Variants in ATE1 observed in about 807,000 individuals in gnomAD.
ATE1 encodes the protein arginyltransferase 1, also known as arginyl-tRNA--protein transferase 1.
ATE1 carries 36 observed loss-of-function variants against 70.5 expected under a neutral mutation model. The ratio of observed to expected loss-of-function variants is 0.51; its 90% CI spans 0.39 to 0.67. The LOEUF (loss-of-function observed/expected upper bound fraction) is 0.67, where lower values mean the gene tolerates loss of function less well. ATE1 is among the 30% of genes least tolerant of loss of function. ATE1 has a pLI of 0.00. For missense variants in ATE1, 593 were observed against 629.5 expected (o/e 0.94, Z 0.62); for synonymous variants, 232 against 219.3 (o/e 1.06, Z -0.51).
At chr10:121,918,332 CAAAAA>C (rs1256639168) in intron 3 of ATE1, among the ~76,000 whole-genome samples, 1 of 79,820 alleles carries the variant, frequency 1.3e-5, no homozygotes, top group Non-Finnish European at 2.6e-5. Context: ...GATTCTGTCT[CAAAAA>C]AAAAAAAAAA....
At chr10:121,790,962 ATG>A (rs10670497) in intron 10 of ATE1, among the ~76,000 whole-genome samples, 1 of 150,968 alleles carries the variant, frequency 6.6e-6, no homozygotes, top group East Asian at 2.0e-4. Context: ...GTATATATAT[ATG>A]TGTGTGTACA....
chr10:121,874,724 G>C (rs187354507), intron 7 of ATE1, among the ~76,000 whole-genome samples: 304 of 152,290 alleles, frequency 2.0e-3, no homozygotes, highest in Non-Finnish European at 3.8e-3. Flanking sequence ...ATGACAACAA[G>C]GCCGGGTGCA....
chr10:121,907,962 C>T lies in ATE1; in HGVS notation c.583+2944G>A, dbSNP rs139618631. Among the ~76,000 whole-genome samples, 197 of 151,842 alleles carry T rather than the reference C, an allele frequency of 1.3e-3. 1 individual carries two copies. Among genetic ancestry groups the T allele is most frequent in the Middle Eastern group, 3.4e-3 (1 of 294 alleles). ...CCCACTAAAAGGAACCACAACTGCT[C>T]GAAGAAATGCCTGTACAAGATGCTC... is the stretch of plus-strand genomic sequence containing the variant. On this transcript the variant is annotated intron_variant, in intron 5 of 11. Coordinates refer to ENST00000224652, the MANE Select transcript of ATE1 (RefSeq NM_001001976.3).
chr10:121,779,637 AAGAAAG>A (rs1354277503), intron 11 of ATE1, among the ~76,000 whole-genome samples: 95 of 152,046 alleles, frequency 6.2e-4, no homozygotes, highest in East Asian at 4.8e-3. Context: ...TAGAAGAAAG[AAGAAAG>A]ATCTTTACTC....
At chr10:121,778,071 T>C (rs1419778274) in intron 11 of ATE1, among the ~76,000 whole-genome samples, 1 of 152,232 alleles carries the variant, frequency 6.6e-6, no homozygotes, top group Non-Finnish European at 1.5e-5. Context: ...TGAATGCTAA[T>C]TTCTAAAATT....
At chr10:121,907,817 A>AT (rs1206985040) in intron 5 of ATE1, among the ~76,000 whole-genome samples, 7 of 152,160 alleles carry the variant, frequency 4.6e-5, no homozygotes, top group Non-Finnish European at 1.5e-5. Context: ...TGAATTGGAA[A>AT]TATCAGTATG....
chr10:121,785,734 T>C (rs1781913375), intron 11 of ATE1, among the ~76,000 whole-genome samples: 1 of 152,166 alleles, frequency 6.6e-6, no homozygotes, highest in Non-Finnish European at 1.5e-5. Flanking sequence ...AGAATTAAGG[T>C]GTGTTAGAAA....
chr10:121,854,461 G>A (rs1949170793), intron 8 of ATE1, among the ~76,000 whole-genome samples: 1 of 152,126 alleles, frequency 6.6e-6, no homozygotes, highest in African/African-American at 2.4e-5. Context: ...AGCTCAAGTA[G>A]ACTAGATGGA....
intron 8 of ATE1, among the ~76,000 whole-genome samples, chr10:121,843,969 A>G (rs1948722841): frequency 6.6e-6 from 1 of 152,264 alleles, no homozygotes; most frequent in Non-Finnish European, 1.5e-5. Flanking sequence ...GCTCTGTGAA[A>G]AACATTGTTA....
intron 11 of ATE1, among the ~76,000 whole-genome samples, chr10:121,777,483 G>GT (rs1945796886): frequency 6.6e-6 from 1 of 152,184 alleles, no homozygotes; most frequent in Non-Finnish European, 1.5e-5. Flanking sequence ...AGGACAGACC[G>GT]TAAGAGCTAA....
chr10:121,786,202 GTTTTTTTTTTTTT>G (rs66781912), intron 11 of ATE1, among the ~76,000 whole-genome samples: 17 of 84,518 alleles, frequency 2.0e-4, no homozygotes, highest in African/African-American at 6.7e-4. Flanking sequence ...GCTCAAGAAA[GTTTTTTTTTTTTT>G]TTTTTTTTTT....
chr10:121,772,136 A>G (rs977900339), intron 11 of ATE1, among the ~76,000 whole-genome samples: 3 of 152,242 alleles, frequency 2.0e-5, no homozygotes, highest in Non-Finnish European at 4.4e-5. Context: ...GACATCAGGG[A>G]TACAAAGACA....
chr10:121,881,568 G>A (rs751288408), intron 7 of ATE1, among the ~76,000 whole-genome samples: 6 of 150,920 alleles, frequency 4.0e-5, no homozygotes, highest in Admixed American at 6.6e-5. Flanking sequence ...CAGGAGAATC[G>A]CTTGAGCCCA....
intron 7 of ATE1, among the ~76,000 whole-genome samples, chr10:121,888,611 G>A (rs944558146): frequency 1.3e-5 from 2 of 152,054 alleles, no homozygotes; most frequent in African/African-American, 2.4e-5. Flanking sequence ...CACACCCTAC[G>A]ACACAGCATT....
chr10:121,769,547 G>T (rs535638211), intron 11 of ATE1, among the ~76,000 whole-genome samples: 2 of 152,234 alleles, frequency 1.3e-5, no homozygotes, highest in East Asian at 3.9e-4. Flanking sequence ...TTTTTAAATT[G>T]ATACCTAGAC....
At chr10:121,890,933 C>CA (rs1225398140) in intron 7 of ATE1, among the ~76,000 whole-genome samples, 1 of 152,098 alleles carries the variant, frequency 6.6e-6, no homozygotes, top group Non-Finnish European at 1.5e-5. Context: ...GATTAATTTA[C>CA]AAAGTCCTAT....
At chr10:121,899,839 C>T (rs755055072) in intron 7 of ATE1, 27 bp downstream of exon 7, 1 of 1,602,110 alleles carries the variant, frequency 6.2e-7, no homozygotes, top group Non-Finnish European at 8.5e-7. Context: ...TCTGTTTGCA[C>T]AGGAAAATTA....
At position 121,786,190 on chromosome 10, in the gene ATE1, A is replaced by G. The variant is rs149100887; in HGVS notation, c.1378+3979T>C. 3.7e-3 allele frequency among the ~76,000 whole-genome samples: 535 copies of G among 144,204 alleles called. 3 individuals are homozygous for G. Among genetic ancestry groups the G allele is most frequent in the Non-Finnish European group, 5.3e-3 (356 of 66,618 alleles). The allele number at this position is 144,204 out of a possible 152,430, so 94.6% of individuals were successfully genotyped here. A position where few individuals can be genotyped will look rare whatever the true frequency, so the allele number is the denominator to read the frequency against. ...TAGGATAGTGCTTGGGAAACAGCACATGCTCAAGAAAGTTTTTTTTTTTTT... is the reference window on the plus strand; with the variant it reads ...TAGGATAGTGCTTGGGAAACAGCACGTGCTCAAGAAAGTTTTTTTTTTTTT... On this transcript the variant is annotated intron_variant, in intron 11 of 11. Coordinates refer to ENST00000224652, the MANE Select transcript of ATE1 (RefSeq NM_001001976.3).
chr10:121,787,523 T>C (rs1278717213), intron 11 of ATE1, among the ~76,000 whole-genome samples: 1 of 152,202 alleles, frequency 6.6e-6, no homozygotes, highest in East Asian at 1.9e-4. Flanking sequence ...TGTGTGGTAT[T>C]CTCTTGAAAG....
Sources: gnomAD v4.1 joint callset for allele counts (sites outside exome capture counted in the v4.1 genomes callset) on GRCh38, gnomAD v4.1.1 for gene constraint, MANE v1.5 for transcripts, NCBI Gene and HGNC (gene_info 2026-07-23, HGNC 2026-07-21) for gene names.